KPNA4: variants seen among roughly 807,000 people sequenced by gnomAD.
KPNA4 encodes the protein importin subunit alpha-3.
A neutral mutation model predicts 71.3 loss-of-function variants in KPNA4; 13 were observed. That is an observed-to-expected ratio of 0.18 (90% CI 0.12 to 0.29). The LOEUF (loss-of-function observed/expected upper bound fraction) is 0.29, where lower values mean the gene tolerates loss of function less well. KPNA4 is among the 10% of genes least tolerant of loss of function. The pLI is 1.00. For synonymous variants in KPNA4, 189 were observed against 195.2 expected (o/e 0.97, Z 0.26); for missense variants, 334 against 603.2 (o/e 0.55, Z 4.67).
chr3:160,515,305 G>A (rs553740301), intron 12 of KPNA4, 147 bp downstream of exon 12: 14 of 796,498 alleles, frequency 1.8e-5, no homozygotes, highest in East Asian at 2.8e-5. Context: ...TTGTTATGGA[G>A]AGTAAAATTT....
Position 160,531,619 on chromosome 3 carries a change from A to C in KPNA4, c.288-62T>G. 7.4e-6 allele frequency: 6 copies of C among 813,504 alleles called. 1 individual carries two copies. Among genetic ancestry groups the C allele is most frequent in the South Asian group, 2.6e-5 (1 of 39,074 alleles). The allele number at this position is 813,504 out of a possible 1,614,324, so 50.4% of individuals were successfully genotyped here. A position where few individuals can be genotyped will look rare whatever the true frequency, so the allele number is the denominator to read the frequency against. On this transcript the variant is annotated intron_variant, in intron 5 of 16. Transcript: ENST00000334256. The stretch of plus-strand genomic sequence containing the variant: ...ACATACAATATTATGATTAAATATA[A>C]ATTCATATTTGACAAATATTAACAT...
At chr3:160,555,405 CT>C (rs925988902) in intron 1 of KPNA4, among the ~76,000 whole-genome samples, 1 of 152,208 alleles carries the variant, frequency 6.6e-6, no homozygotes, top group African/African-American at 2.4e-5. Context: ...ACCCCCTTAT[CT>C]GCACAGGGTG....
At chr3:160,518,083 G>A (rs1318532370) in intron 11 of KPNA4, among the ~76,000 whole-genome samples, 1 of 151,198 alleles carries the variant, frequency 6.6e-6, no homozygotes, top group Non-Finnish European at 1.5e-5. Context: ...TCTTCTAAGA[G>A]GTTTAAATTT....
intron 1 of KPNA4, among the ~76,000 whole-genome samples, chr3:160,550,345 A>C (rs1381894616): frequency 6.6e-6 from 1 of 152,158 alleles, no homozygotes; most frequent in African/African-American, 2.4e-5. Flanking sequence ...TCAGTCTCAA[A>C]ATCCTGGGCT....
chr3:160,508,034 A>G (rs1721021208), intron 15 of KPNA4, 73 bp downstream of exon 15: 1 of 1,142,896 alleles, frequency 8.7e-7, no homozygotes, highest in Non-Finnish European at 1.2e-6. Context: ...TAGATGTGCT[A>G]TATTAGTCGG....
rs752438547 is a variant in KPNA4, at chr3:160,530,954, C to A, written c.384-14G>T. 6 of 1,573,052 alleles carry A rather than the reference C, an allele frequency of 3.8e-6. No homozygotes were observed. In the Admixed American group the frequency reaches 7.1e-5, roughly 19 times the overall value. ...TGTAAAGAAGGACTACAAAAAAAAA[C>A]AAGTATTTTTAAACAGCAGGGATTT... On this transcript the variant is annotated splice_polypyrimidine_tract_variant and intron_variant, in intron 6 of 16. Transcript: ENST00000334256.
Position 160,565,526 on chromosome 3 carries a change from G to C in KPNA4, c.-244C>G. The C allele has an allele frequency of 1.8e-6, 1 of 542,432 alleles. No individual in the cohort carries two copies. Among genetic ancestry groups the C allele is most frequent in the South Asian group, 2.3e-5 (1 of 42,854 alleles). The allele number at this position is 542,432 out of a possible 1,614,324, so 33.6% of individuals were successfully genotyped here. On this transcript the variant is annotated 5_prime_UTR_variant, in exon 1 of 17. Coordinates refer to ENST00000334256, the MANE Select transcript of KPNA4 (RefSeq NM_002268.5). ...AACTGTGGGGCCGGGCGGCGGCAAG[G>C]CGACGGAATGTGCTGCCGGCTGAGA...
Position 160,537,439 on chromosome 3 carries a change from T to C in KPNA4, c.70-599A>G, listed in dbSNP as rs939231831. On this transcript the variant is annotated intron_variant, in intron 1 of 16. Coordinates refer to ENST00000334256, the MANE Select transcript of KPNA4 (RefSeq NM_002268.5). ...TTTTTCATGGTCACCCAATTTTCTA[T>C]GGCACACCATGGCCATTCTTTTACT... Among the ~76,000 whole-genome samples, 6 of 152,066 alleles carry C rather than the reference T, an allele frequency of 3.9e-5. 1 individual carries two copies. In the Middle Eastern group the frequency reaches 0.01, roughly 259 times the overall value.
chr3:160,504,841 AT>A, intron 16 of KPNA4, 116 bp downstream of exon 16: 1 of 407,954 alleles, frequency 2.5e-6, no homozygotes, highest in Non-Finnish European at 4.2e-6. Context: ...TCATACATCT[AT>A]TTTAATTCCA....
intron 11 of KPNA4, among the ~76,000 whole-genome samples, chr3:160,517,144 G>C (rs1417440243): frequency 6.6e-6 from 1 of 151,860 alleles, no homozygotes; most frequent in African/African-American, 2.4e-5. Context: ...TCATCCCTAG[G>C]TCCCTGGAAG....
intron 11 of KPNA4, among the ~76,000 whole-genome samples, chr3:160,521,435 T>C (rs565243413): frequency 1.1e-4 from 17 of 152,014 alleles, no homozygotes; most frequent in South Asian, 4.2e-4. Flanking sequence ...CCTGACTGTA[T>C]CAAAAATAGA....
At chr3:160,548,558 T>C (rs570744866) in intron 1 of KPNA4, among the ~76,000 whole-genome samples, 1 of 152,312 alleles carries the variant, frequency 6.6e-6, no homozygotes, top group Admixed American at 6.5e-5. Flanking sequence ...ACAGTATTTT[T>C]TTGTGTGTGA....
intron 1 of KPNA4, among the ~76,000 whole-genome samples, chr3:160,550,642 TCA>T (rs544590692): frequency 5.9e-5 from 9 of 152,326 alleles, no homozygotes; most frequent in African/African-American, 2.2e-4. Flanking sequence ...TGTGGGCTTT[TCA>T]TATATGGCCC....
intron 11 of KPNA4, among the ~76,000 whole-genome samples, chr3:160,516,077 C>G (rs1303618656): frequency 6.6e-6 from 1 of 152,200 alleles, no homozygotes; most frequent in Admixed American, 6.5e-5. Flanking sequence ...ACCTCTACCT[C>G]CCAGGTTCAA....
chr3:160,507,693 CT>C (rs1721014905), intron 15 of KPNA4, among the ~76,000 whole-genome samples: 1 of 152,158 alleles, frequency 6.6e-6, no homozygotes, highest in African/African-American at 2.4e-5. Flanking sequence ...CCCTTTTTAC[CT>C]TATTAATCCT....
chr3:160,538,340 G>T lies in KPNA4; in HGVS notation c.70-1500C>A, dbSNP rs374626381. 4.6e-5 allele frequency among the ~76,000 whole-genome samples: 7 copies of T among 151,970 alleles called. No individual in the cohort carries two copies. The East Asian group carries it at 9.7e-4, about 21-fold the overall frequency. On this transcript the variant is annotated intron_variant, in intron 1 of 16. Transcript: ENST00000334256. ...ACTACTATAACTTCAAAGTAATGACGACCATAAATGCAACAAAGAGGTGAT... is the reference window on the plus strand; with the variant it reads ...ACTACTATAACTTCAAAGTAATGACTACCATAAATGCAACAAAGAGGTGAT...
intron 1 of KPNA4, among the ~76,000 whole-genome samples, chr3:160,541,878 C>A (rs933562728): frequency 1.3e-5 from 2 of 152,112 alleles, no homozygotes; most frequent in African/African-American, 4.8e-5. Context: ...AGTAATAAGG[C>A]CCAAACTTAG....
intron 14 of KPNA4, among the ~76,000 whole-genome samples, 177 bp downstream of exon 14, chr3:160,509,623 G>A (rs544032696): frequency 6.6e-6 from 1 of 152,204 alleles, no homozygotes; most frequent in African/African-American, 2.4e-5. Flanking sequence ...ATAGAGATGT[G>A]GTCTCACTGT....
chr3:160,525,366 A>G (rs1389444801), intron 10 of KPNA4, among the ~76,000 whole-genome samples: 2 of 133,764 alleles, frequency 1.5e-5, no homozygotes, highest in Admixed American at 7.4e-5. Flanking sequence ...TCATCTTTCA[A>G]AAAACAAAAA....
Sources: gnomAD v4.1 joint callset for allele counts (sites outside exome capture counted in the v4.1 genomes callset) on GRCh38, gnomAD v4.1.1 for gene constraint, MANE v1.5 for transcripts, NCBI Gene and HGNC (gene_info 2026-07-23, HGNC 2026-07-21) for gene names.